The following MED12L variants were observed in gnomAD, a reference collection of about 807,000 sequenced individuals.
MED12L encodes mediator of RNA polymerase II transcription subunit 12-like protein.
MED12L carries 60 observed loss-of-function variants against 281.3 expected under a neutral mutation model. The ratio of observed to expected loss-of-function variants is 0.21; its 90% confidence interval spans 0.17 to 0.26. MED12L has a LOEUF of 0.26. Among genes scored for constraint, MED12L ranks in the 10% least tolerant of loss-of-function variants. The pLI is 1.00. For synonymous variants in MED12L, 974 were observed against 987.2 expected (o/e 0.99, Z 0.25); for missense variants, 2,146 against 2,680.9 (o/e 0.80, Z 4.41).
At chr3:151,190,010 CAT>C (rs1054693503) in intron 13 of MED12L, among the ~76,000 whole-genome samples, 7 of 152,054 alleles carry the variant, frequency 4.6e-5, no homozygotes, top group African/African-American at 1.7e-4. Context: ...AATGTGCACC[CAT>C]ATTCTCACAA....
intron 16 of MED12L, chr3:151,199,533 A>G (rs1725223442): frequency 3.0e-6 from 2 of 668,830 alleles, no homozygotes; most frequent in South Asian, 2.1e-5. Context: ...TTGTCTTTCC[A>G]GTTCTTAGAA....
chr3:151,407,493 A>G (rs1479755837), intron 39 of MED12L, among the ~76,000 whole-genome samples: 1 of 152,202 alleles, frequency 6.6e-6, no homozygotes, highest in Non-Finnish European at 1.5e-5. Flanking sequence ...GTATGATGCT[A>G]GTGTCCAGGA....
chr3:151,088,327 A>G (rs1362536444), intron 2 of MED12L, among the ~76,000 whole-genome samples: 1 of 152,178 alleles, frequency 6.6e-6, no homozygotes, highest in Non-Finnish European at 1.5e-5. Context: ...AAGATTTCCC[A>G]GATTTTTTTT....
At chr3:151,192,391 C>G (rs1275187868) in intron 14 of MED12L, among the ~76,000 whole-genome samples, 159 bp from the exon 15 acceptor site, 2 of 152,146 alleles carry the variant, frequency 1.3e-5, no homozygotes, top group Non-Finnish European at 2.9e-5. Context: ...CTGTTCATAG[C>G]AAGGCATGCC....
At position 151,435,972 on chromosome 3, in the gene MED12L, A is replaced by AGTT. The variant is rs1348087942; in HGVS notation, c.*3169_*3171dup. ...CAGGGGTGCCTGAGCTAGATTTTAA[A>AGTT]GTTATAAAGAAGTTTCATTGTATTT... On this transcript the variant is annotated 3_prime_UTR_variant, in exon 45 of 45. Coordinates refer to ENST00000687756, the MANE Select transcript of MED12L (RefSeq NM_001393769.1). 2.0e-5 allele frequency: 3 copies of AGTT among 152,152 alleles called. No individual in the cohort carries two copies. Among genetic ancestry groups the AGTT allele is most frequent in the East Asian group, 3.9e-4 (2 of 5,190 alleles). 9.4% of individuals were successfully genotyped at this position (152,152 alleles called of 1,614,324 possible).
chr3:151,345,359 C>A (rs1430812609), intron 16 of MED12L, among the ~76,000 whole-genome samples: 2 of 152,116 alleles, frequency 1.3e-5, no homozygotes. Context: ...ATATTACTTA[C>A]AACTGTGCAA....
In MED12L at chr3:151,221,031, G is replaced by A. The variant is rs908025645; in HGVS notation, c.2250+27365G>A. 3.9e-5 allele frequency among the ~76,000 whole-genome samples: 6 copies of A among 152,224 alleles called. No homozygotes were observed. In the East Asian group the frequency reaches 5.8e-4, roughly 15 times the overall value. ...TATGGACGATAAAGTCCAGGGTGAG[G>A]TGGTCTCAGATGGAAATGAGGAACT... On this transcript the variant is annotated intron_variant, in intron 16 of 44. Coordinates refer to ENST00000687756, the MANE Select transcript of MED12L (RefSeq NM_001393769.1).
intron 16 of MED12L, among the ~76,000 whole-genome samples, chr3:151,303,679 C>G (rs1746252896): frequency 6.6e-6 from 1 of 152,176 alleles, no homozygotes; most frequent in Non-Finnish European, 1.5e-5. Flanking sequence ...AGGAGAATTG[C>G]TTGAACCCAG....
rs534469083 is a variant in MED12L, at chr3:151,348,615, T to A, written c.2251-1444T>A. Among the ~76,000 whole-genome samples the A allele has an allele frequency of 3.7e-3, 557 of 151,868 alleles. 7 individuals are homozygous for A. Among genetic ancestry groups the A allele is most frequent in the Middle Eastern group, 0.014 (4 of 292 alleles). Reference sequence around the variant, plus strand: ...AGGCAAATTTGAACACCTGAAACATTAAGAATCATTTGGGGGTGGGGAATA... The same window carrying A: ...AGGCAAATTTGAACACCTGAAACATAAAGAATCATTTGGGGGTGGGGAATA... On this transcript the variant is annotated intron_variant, in intron 16 of 44. Transcript: ENST00000687756.
Position 151,337,519 on chromosome 3 carries a change from T to G in MED12L, c.2251-12540T>G. 9.5e-6 allele frequency: 3 copies of G among 315,712 alleles called. No individual in the cohort carries two copies. In the South Asian group the frequency reaches 1.4e-4, roughly 15 times the overall value. 19.6% of individuals were successfully genotyped at this position (315,712 alleles called of 1,614,324 possible). On this transcript the variant is annotated intron_variant, in intron 16 of 44. Transcript: ENST00000687756. The stretch of plus-strand genomic sequence containing the variant: ...AAAATTACAGTAAATATTATATGAT[T>G]ACTCATTTTGGCAAAACTCTGCAAA...
chr3:151,367,559 G>A, intron 23 of MED12L, 87 bp from the exon 24 acceptor site: 1 of 1,214,448 alleles, frequency 8.2e-7, no homozygotes, highest in Non-Finnish European at 1.1e-6. Context: ...GATCTTATTG[G>A]TATTGCCTGC....
At chr3:151,311,343 A>G (rs1262540993) in intron 16 of MED12L, among the ~76,000 whole-genome samples, 2 of 152,016 alleles carry the variant, frequency 1.3e-5, no homozygotes, top group South Asian at 4.1e-4. Flanking sequence ...GTATATATAT[A>G]TATTTAGTGT....
chr3:151,239,266 C>A (rs1165184418), intron 16 of MED12L, among the ~76,000 whole-genome samples: 1 of 152,158 alleles, frequency 6.6e-6, no homozygotes, highest in Non-Finnish European at 1.5e-5. Context: ...TTCAGTGTTA[C>A]AAAGTATAAA....
intron 16 of MED12L, chr3:151,338,322 C>G: frequency 6.2e-7 from 1 of 1,614,056 alleles, no homozygotes. Context: ...AAGGAAAGAG[C>G]ATTTCTTCAC....
intron 44 of MED12L, among the ~76,000 whole-genome samples, chr3:151,431,195 T>A (rs1280449198): frequency 6.6e-6 from 1 of 152,208 alleles, no homozygotes; most frequent in Non-Finnish European, 1.5e-5. Flanking sequence ...AGTTTTTCCA[T>A]CCGTGCAATG....
rs1305130053 is a variant in MED12L at position 151,413,255 on chromosome 3, C to T, written c.6257C>T (p.Pro2086Leu). The T allele has an allele frequency of 1.2e-6, 2 of 1,614,112 alleles. No homozygotes were observed. Among genetic ancestry groups the T allele is most frequent in the Non-Finnish European group, 1.7e-6 (2 of 1,180,016 alleles). ...SVPLPQDPMRPRQPQVRQQQR... is the reference protein window; with the variant it reads ...SVPLPQDPMRLRQPQVRQQQR... ...CCCCTGCCTCAGGATCCCATGAGAC[C>T]CAGACAGCCGCAAGTTCGACAGCAG... is the stretch of plus-strand genomic sequence containing the variant. The change falls in exon 42 of 45, where the codon CCC becomes CTC. Residue 2086 changes from proline (P) to leucine (L), a missense_variant. This residue lies in a region of MED12L where 496 missense variants were observed against 512.0 expected (regional missense o/e 0.97). Transcript: ENST00000687756.
intron 16 of MED12L, among the ~76,000 whole-genome samples, chr3:151,238,972 ATGAAC>A (rs1321487470): frequency 6.6e-6 from 1 of 152,222 alleles, no homozygotes; most frequent in Non-Finnish European, 1.5e-5. Flanking sequence ...TCAAAACTGA[ATGAAC>A]TGAGAGACAA....
Position 151,191,953 on chromosome 3 carries a change from C to G in MED12L, c.1969-597C>G, listed in dbSNP as rs566032335. On this transcript the variant is annotated intron_variant, in intron 14 of 44. Coordinates refer to ENST00000687756, the MANE Select transcript of MED12L (RefSeq NM_001393769.1). ...AAACACCTCACAGTTTAGGCATATA[C>G]CATTATTATTTTTTAAAACAGTAGC... Among the ~76,000 whole-genome samples, 7 of 151,926 alleles carry G rather than the reference C, an allele frequency of 4.6e-5. No individual in the cohort carries two copies. In the South Asian group the frequency reaches 1.2e-3, roughly 27 times the overall value.
intron 8 of MED12L, among the ~76,000 whole-genome samples, chr3:151,161,483 C>G (rs1719975062): frequency 6.6e-6 from 1 of 152,030 alleles, no homozygotes; most frequent in Admixed American, 6.6e-5. Flanking sequence ...GAGGGGAAGT[C>G]CATGGAGGAG....
Sources: gnomAD v4.1 joint callset for allele counts (sites outside exome capture counted in the v4.1 genomes callset) on GRCh38, gnomAD v4.1.1 for gene constraint, gnomAD v4.1.1 regional missense constraint, MANE v1.5 for transcripts, NCBI Gene and HGNC (gene_info 2026-07-23, HGNC 2026-07-21) for gene names.